The following SIAH3 variants were observed in gnomAD, a reference collection of about 807,000 sequenced individuals.
The protein encoded by SIAH3 is siah E3 ubiquitin protein ligase family member 3.
Under a neutral mutation model 12.6 loss-of-function variants are expected in SIAH3, and 9 were observed. The ratio of observed to expected loss-of-function variants is 0.72; its 90% CI spans 0.43 to 1.25. SIAH3 has a LOEUF of 1.25. Among genes scored for constraint, SIAH3 ranks in the 50% most tolerant of loss-of-function variants. The pLI is 0.00. For synonymous variants in SIAH3, 154 were observed against 151.1 expected (o/e 1.02, Z -0.14); for missense variants, 390 against 365.4 (o/e 1.07, Z -0.55).
rs1309656219 is a variant in SIAH3, at chr13:45,783,447, C to T, written c.746G>A (p.Gly249Asp). The T allele has an allele frequency of 5.6e-6, 9 of 1,613,946 alleles. No individual in the cohort carries two copies. The Admixed American group carries it at 6.7e-5, about 12-fold the overall frequency. The change falls in exon 2 of 2, where the codon GGC becomes GAC. Residue 249 changes from glycine (G) to aspartate (D), a missense_variant. By Grantham distance (94) the Gly-to-Asp change is moderately conservative (BLOSUM62 -1). Transcript: ENST00000400405. Reference sequence around the variant, plus strand: ...GATGGCAATCCCAATGGCAAGGCTGCCGTTGTCAGAGAAGAGCTGTGCCAG... The same window carrying T: ...GATGGCAATCCCAATGGCAAGGCTGTCGTTGTCAGAGAAGAGCTGTGCCAG... ...TSLAQLFSDN[G>D]SLAIGIAITA...
chr13:45,845,079 A>C (rs1566099089), intron 1 of SIAH3, among the ~76,000 whole-genome samples: 1 of 152,204 alleles, frequency 6.6e-6, no homozygotes, highest in Non-Finnish European at 1.5e-5. Flanking sequence ...CTGCCCTTTC[A>C]CACATAGTGC....
At chr13:45,844,923 A>G (rs1950753382) in intron 1 of SIAH3, among the ~76,000 whole-genome samples, 1 of 152,234 alleles carries the variant, frequency 6.6e-6, no homozygotes, top group Non-Finnish European at 1.5e-5. Context: ...TTTCAAATGG[A>G]CAGCATACAC....
intron 1 of SIAH3, among the ~76,000 whole-genome samples, chr13:45,840,282 A>G (rs1950735689): frequency 1.3e-5 from 2 of 152,116 alleles, no homozygotes; most frequent in Admixed American, 6.6e-5. Flanking sequence ...AGAAACCACA[A>G]GCTAAACTCT....
chr13:45,784,638 TC>T (rs1464418614), intron 1 of SIAH3, among the ~76,000 whole-genome samples: 1 of 152,094 alleles, frequency 6.6e-6, no homozygotes, highest in Non-Finnish European at 1.5e-5. Flanking sequence ...GGGACTACAG[TC>T]CCTAAGGAGA....
intron 1 of SIAH3, among the ~76,000 whole-genome samples, chr13:45,849,128 G>A (rs1260539633): frequency 2.0e-5 from 3 of 152,088 alleles, no homozygotes; most frequent in Non-Finnish European, 4.4e-5. Context: ...TTACCTGATG[G>A]GCCACCTGGA....
intron 1 of SIAH3, among the ~76,000 whole-genome samples, chr13:45,841,525 A>G (rs1379295082): frequency 6.6e-6 from 1 of 152,274 alleles, no homozygotes; most frequent in South Asian, 2.1e-4. Context: ...TGCCCTCCTT[A>G]TCATAGATTC....
At chr13:45,804,924 G>A (rs376210122) in intron 1 of SIAH3, among the ~76,000 whole-genome samples, 7 of 147,734 alleles carry the variant, frequency 4.7e-5, no homozygotes, top group African/African-American at 1.7e-4. Flanking sequence ...CACCAATAAT[G>A]TTCAAGCTGA....
At position 45,783,723 on chromosome 13, in the gene SIAH3, A is replaced by T. The variant is rs1426498581; in HGVS notation, c.470T>A (p.Ile157Asn). The T allele has an allele frequency of 1.2e-6, 2 of 1,613,986 alleles. No individual in the cohort carries two copies. Among genetic ancestry groups the T allele is most frequent in the African/African-American group, 2.7e-5 (2 of 74,916 alleles). The change falls in exon 2 of 2, where the codon ATC becomes AAC. Residue 157 changes from isoleucine (I) to asparagine (N), a missense_variant. By Grantham distance (149) the Ile-to-Asn change is moderately radical. Coordinates refer to ENST00000400405, the MANE Select transcript of SIAH3 (RefSeq NM_198849.3). Reference sequence around the variant, plus strand: ...GTGGCCAAGGCAGGAGTGCATGATGATCCAATCAGCCGGCGCGGGGAGGTG... The same window carrying T: ...GTGGCCAAGGCAGGAGTGCATGATGTTCCAATCAGCCGGCGCGGGGAGGTG... ...DMHLPAPADW[I>N]IMHSCLGHHF... is the part of the protein sequence containing the mutation.
intron 1 of SIAH3, among the ~76,000 whole-genome samples, chr13:45,830,259 G>A (rs78462946): frequency 6.6e-6 from 1 of 152,268 alleles, no homozygotes; most frequent in South Asian, 2.1e-4. Flanking sequence ...GTACATCCAA[G>A]TTCTGTCTAA....
At chr13:45,837,065 T>C (rs1370597192) in intron 1 of SIAH3, among the ~76,000 whole-genome samples, 2 of 152,212 alleles carry the variant, frequency 1.3e-5, no homozygotes, top group African/African-American at 4.8e-5. Flanking sequence ...TCTGGATTTG[T>C]GTCCCCTAGG....
At chr13:45,820,117 G>A (rs1262333072) in intron 1 of SIAH3, among the ~76,000 whole-genome samples, 1 of 152,216 alleles carries the variant, frequency 6.6e-6, no homozygotes, top group East Asian at 1.9e-4. Context: ...CACGACTTAT[G>A]TGTCTCTTAA....
At chr13:45,833,400 T>G (rs1248972841) in intron 1 of SIAH3, among the ~76,000 whole-genome samples, 2 of 152,116 alleles carry the variant, frequency 1.3e-5, no homozygotes, top group Non-Finnish European at 2.9e-5. Context: ...CTGGGTCTTT[T>G]TTGGTACTGA....
chr13:45,783,284 A>AG lies in SIAH3; in HGVS notation c.*98dup. 1.3e-6 allele frequency: 1 copy of AG among 779,592 alleles called. No homozygotes were observed. The allele number at this position is 779,592 out of a possible 1,614,324, so 48.3% of individuals were successfully genotyped here. A position where few individuals can be genotyped will look rare whatever the true frequency, so the allele number is the denominator to read the frequency against. ...TAATTAAAAATTAAAAAAAAAAAAA[A>AG]GAAAGGAGAAGAATAAAAAGGAGTC... is the stretch of plus-strand genomic sequence containing the variant. On this transcript the variant is annotated 3_prime_UTR_variant, in exon 2 of 2. Coordinates refer to ENST00000400405, the MANE Select transcript of SIAH3 (RefSeq NM_198849.3).
At chr13:45,824,510 C>T (rs919427818) in intron 1 of SIAH3, among the ~76,000 whole-genome samples, 2 of 152,170 alleles carry the variant, frequency 1.3e-5, no homozygotes, top group Non-Finnish European at 2.9e-5. Context: ...AGGCTCTGGG[C>T]CTAACCTCAT....
chr13:45,810,794 C>T (rs1950614028), intron 1 of SIAH3, among the ~76,000 whole-genome samples: 1 of 152,198 alleles, frequency 6.6e-6, no homozygotes, highest in Admixed American at 6.5e-5. Context: ...ACATCCCCTG[C>T]TTCTCTGGTG....
rs34118981 is a variant in SIAH3 at position 45,850,919 on chromosome 13, C to CCACACACA, written c.135+568_135+575dup. Among the ~76,000 whole-genome samples the CCACACACA allele has an allele frequency of 9.6e-3, 1,237 of 128,292 alleles. 19 individuals are homozygous for CCACACACA. The highest frequency in any genetic ancestry group is 0.037 in the Admixed American group (448 of 12,122). The allele number at this position is 128,292 out of a possible 152,430, so 84.2% of individuals were successfully genotyped here. A position where few individuals can be genotyped will look rare whatever the true frequency, so the allele number is the denominator to read the frequency against. On this transcript the variant is annotated intron_variant, in intron 1 of 1. Transcript: ENST00000400405. The stretch of plus-strand genomic sequence containing the variant: ...GAAATAAGCCAAAATCCTCCCGACA[C>CCACACACA]CACACACACACACACACACACACAC...
chr13:45,826,475 G>GAGTGGGTGGGTGGGTT lies in SIAH3; in HGVS notation c.135+25019_135+25020insAACCCACCCACCCACT, dbSNP rs1566094935. Among the ~76,000 whole-genome samples the GAGTGGGTGGGTGGGTT allele has an allele frequency of 1.4e-5, 2 of 138,150 alleles. 1 individual carries two copies. The highest frequency in any genetic ancestry group is 5.6e-4 in the South Asian group (2 of 3,602). 90.6% of individuals were successfully genotyped at this position (138,150 alleles called of 152,430 possible). A position where few individuals can be genotyped will look rare whatever the true frequency, so the allele number is the denominator to read the frequency against. On this transcript the variant is annotated intron_variant, in intron 1 of 1. Transcript: ENST00000400405. ...TGGATGGATGAATGGATGGATGGAT[G>GAGTGGGTGGGTGGGTT]GATGGATGGATGGATGGGTGGGTGG... is the stretch of plus-strand genomic sequence containing the variant.
Position 45,779,868 on chromosome 13 carries a change from T to A in SIAH3, c.*3515A>T, listed in dbSNP as rs1566084328. 6.6e-6 allele frequency: 1 copy of A among 152,208 alleles called. No homozygotes were observed. The highest frequency in any genetic ancestry group is 2.4e-5 in the African/African-American group (1 of 41,448). 9.4% of individuals were successfully genotyped at this position (152,208 alleles called of 1,614,324 possible). ...TACAGATTCATGCAGATACCAATTG[T>A]TAAAGACAATCTTCGTGTGGCCTGA... On this transcript the variant is annotated 3_prime_UTR_variant, in exon 2 of 2. Coordinates refer to ENST00000400405, the MANE Select transcript of SIAH3 (RefSeq NM_198849.3).
rs970911744 is a variant in SIAH3 at position 45,783,482 on chromosome 13, G to A, written c.711C>T (p.Leu237=). ...AGAAGAGCTGTGCCAGCGAGGTGTTGAGGACGAGGCAGTCCCCGTCCGTAA... is the reference window on the plus strand; with the variant it reads ...AGAAGAGCTGTGCCAGCGAGGTGTTAAGGACGAGGCAGTCCCCGTCCGTAA... ...SVITDGDCLV[L]NTSLAQLFSD... is the part of the protein sequence containing the mutation. Residue 237 remains leucine (L), a synonymous_variant, in exon 2 of 2, where the codon CTC becomes CTT. Transcript: ENST00000400405. 1 of 1,614,026 alleles carries A rather than the reference G, an allele frequency of 6.2e-7. No homozygotes were observed. The highest frequency in any genetic ancestry group is 1.3e-5 in the African/African-American group (1 of 74,924).
Sources: gnomAD v4.1 joint callset for allele counts (sites outside exome capture counted in the v4.1 genomes callset) on GRCh38, gnomAD v4.1.1 for gene constraint, MANE v1.5 for transcripts, NCBI Gene and HGNC (gene_info 2026-07-23, HGNC 2026-07-21) for gene names.